Variants in DEPDC5 observed in about 807,000 individuals in gnomAD.
DEPDC5 encodes the protein DEP domain containing 5, GATOR1 subcomplex subunit, also known as GATOR1 complex protein DEPDC5.
In DEPDC5, 73 loss-of-function variants were observed where a neutral mutation model predicts 217.3. The ratio of observed to expected loss-of-function variants is 0.34; its 90% CI spans 0.28 to 0.41. The LOEUF (loss-of-function observed/expected upper bound fraction) is 0.41. DEPDC5 is among the 10% of genes least tolerant of loss of function. DEPDC5 has a pLI of 1.00. For synonymous variants in DEPDC5, 733 were observed against 756.7 expected, an observed-to-expected ratio of 0.97 and a Z score of 0.51; for missense variants, 1,675 against 2,070.1, an observed-to-expected ratio of 0.81 and a Z score of 3.70.
At chr22:31,815,811 G>T in intron 21 of DEPDC5, 3 of 1,229,026 alleles carry the variant, frequency 2.4e-6, no homozygotes, top group Non-Finnish European at 3.0e-6. Flanking sequence ...TTACAGGCAT[G>T]AACCAATGTT....
At chr22:31,792,235 TA>T (rs764903606) in intron 11 of DEPDC5, 133 bp downstream of exon 11, 23 of 672,226 alleles carry the variant, frequency 3.4e-5, no homozygotes, top group Non-Finnish European at 5.5e-5. Flanking sequence ...GGGGACAGTG[TA>T]AAAGGGAAAG....
rs144965769 is a variant in DEPDC5, at chr22:31,779,765, T to C, written c.483+1597T>C. Among the ~76,000 whole-genome samples, 4 of 152,296 alleles carry C rather than the reference T, an allele frequency of 2.6e-5. No homozygotes were observed. The East Asian group carries it at 5.8e-4, about 22-fold the overall frequency. The stretch of plus-strand genomic sequence containing the variant: ...GATATGTAATTCATGGTTGGTACAA[T>C]AGTGTCACTATTATTGGCGTCCTTG... On this transcript the variant is annotated intron_variant, in intron 8 of 42. Transcript: ENST00000651528.
intron 2 of DEPDC5, chr22:31,755,311 C>G (rs2075229050): frequency 2.8e-6 from 1 of 353,528 alleles, no homozygotes; most frequent in East Asian, 6.1e-5. Context: ...AATCGTTTAT[C>G]AGTTTTTACA....
At chr22:31,878,557 A>T (rs914796829) in intron 37 of DEPDC5, among the ~76,000 whole-genome samples, 1 of 151,666 alleles carries the variant, frequency 6.6e-6, no homozygotes, top group Non-Finnish European at 1.5e-5. Flanking sequence ...GAAAAAAAAA[A>T]AAAAAATTGG....
chr22:31,791,451 A>G (rs2085620543), intron 10 of DEPDC5, among the ~76,000 whole-genome samples: 1 of 151,594 alleles, frequency 6.6e-6, no homozygotes, highest in African/African-American at 2.4e-5. Flanking sequence ...AGCCTGGCCA[A>G]CATGGTGAAA....
Position 31,793,565 on chromosome 22 carries a change from G to GTTA in DEPDC5, c.767+766_767+768dup, listed in dbSNP as rs553293912. Among the ~76,000 whole-genome samples the GTTA allele has an allele frequency of 5.9e-5, 9 of 151,328 alleles. No homozygotes were observed. In the South Asian group the frequency reaches 8.4e-4, roughly 14 times the overall value. ...CCACAATATCATGATCATGTTTAAC[G>GTTA]TTATTATTATTATTATTATTTTTTG... On this transcript the variant is annotated intron_variant, in intron 12 of 42. Transcript: ENST00000651528.
At chr22:31,833,252 G>C (rs2090738810) in intron 24 of DEPDC5, among the ~76,000 whole-genome samples, 2 of 152,082 alleles carry the variant, frequency 1.3e-5, no homozygotes, top group African/African-American at 4.8e-5. Flanking sequence ...AGTACTGATA[G>C]GTGTGCTTTA....
chr22:31,783,386 C>A (rs2084659823), intron 8 of DEPDC5, among the ~76,000 whole-genome samples: 1 of 152,140 alleles, frequency 6.6e-6, no homozygotes, highest in African/African-American at 2.4e-5. Context: ...TTCTTGAAGT[C>A]AGTGAGACCA....
Position 31,788,093 on chromosome 22 carries a change from TTAAAA to T in DEPDC5, c.624+3222_624+3226del, listed in dbSNP as rs199943589. ...TGTACCCATAAAAATTAAAAAATAA[TTAAAA>T]TAATTAAAAAAACAAATGGGCAAAG... On this transcript the variant is annotated intron_variant, in intron 10 of 42. Transcript: ENST00000651528. Among the ~76,000 whole-genome samples, 1,083 of 151,574 alleles carry T rather than the reference TTAAAA, an allele frequency of 7.1e-3. 52 individuals carry two copies. Among genetic ancestry groups the T allele is most frequent in the Admixed American group, 0.061 (929 of 15,190 alleles).
At position 31,768,846 on chromosome 22, in the gene DEPDC5, G is replaced by C. The variant is rs201677987; in HGVS notation, c.396G>C (p.Val132=). 6.2e-7 allele frequency: 1 copy of C among 1,613,570 alleles called. No individual in the cohort carries two copies. The highest frequency in any genetic ancestry group is 1.3e-5 in the African/African-American group (1 of 74,946). Reference sequence around the variant, plus strand: ...CATGTGCCTATATCACCCAGAAGGTGGAGTTTGCTGGCATCAGGTAGATAT... The same window carrying C: ...CATGTGCCTATATCACCCAGAAGGTCGAGTTTGCTGGCATCAGGTAGATAT... ...VSTCAYITQK[V]EFAGIRAQAG... is the part of the protein sequence containing the mutation. The change falls in exon 7 of 43, where the codon GTG becomes GTC. Residue 132 remains valine (V), a synonymous_variant. Coordinates refer to ENST00000651528, the MANE Select transcript of DEPDC5 (RefSeq NM_001242896.3).
intron 2 of DEPDC5, among the ~76,000 whole-genome samples, chr22:31,757,914 C>A (rs1440387950): frequency 6.6e-6 from 1 of 152,126 alleles, no homozygotes; most frequent in Non-Finnish European, 1.5e-5. Context: ...CAGGCTCCCA[C>A]CACCACACCT....
intron 5 of DEPDC5, among the ~76,000 whole-genome samples, chr22:31,766,209 T>A (rs779834977): frequency 1.3e-5 from 2 of 152,218 alleles, no homozygotes; most frequent in African/African-American, 2.4e-5. Context: ...TTCTCATTTT[T>A]CTTCAAGAAG....
In DEPDC5 at chr22:31,897,519, T is replaced by G; in HGVS notation, c.4241T>G (p.Phe1414Cys). ...GWHRKATSCGFLLVPVLEGPF... is the reference protein window; with the variant it reads ...GWHRKATSCGCLLVPVLEGPF... ...CATCGGAAAGCCACCTCCTGTGGCT[T>G]CTTGTTAGTCCCAGTTTTGGAGGGG... Residue 1414 changes from phenylalanine to cysteine, a missense_variant, in exon 40 of 43, where the codon TTC (phenylalanine) becomes TGC (cysteine). Coordinates refer to ENST00000651528, the MANE Select transcript of DEPDC5 (RefSeq NM_001242896.3). 1.2e-6 allele frequency: 2 copies of G among 1,614,086 alleles called. No homozygotes were observed. The highest frequency in any genetic ancestry group is 1.7e-6 in the Non-Finnish European group (2 of 1,179,984).
At chr22:31,780,575 A>G (rs529125979) in intron 8 of DEPDC5, among the ~76,000 whole-genome samples, 2 of 152,124 alleles carry the variant, frequency 1.3e-5, no homozygotes, top group Non-Finnish European at 2.9e-5. Context: ...GTCTTCGCAC[A>G]TGCTGCCCTC....
At chr22:31,757,832 C>T (rs1052522398) in intron 2 of DEPDC5, among the ~76,000 whole-genome samples, 9 of 152,034 alleles carry the variant, frequency 5.9e-5, no homozygotes, top group East Asian at 1.9e-4. Flanking sequence ...GGTGTGATTT[C>T]GGCTCACTGT....
chr22:31,764,090 T>G (rs2082620551), intron 4 of DEPDC5, among the ~76,000 whole-genome samples: 1 of 151,950 alleles, frequency 6.6e-6, no homozygotes, highest in African/African-American at 2.4e-5. Context: ...CCACGACACC[T>G]GGCTAAATTT....
rs748662185 is a variant in DEPDC5, at chr22:31,874,331, G to A, written c.3622G>A (p.Ala1208Thr). The A allele has an allele frequency of 3.8e-5, 61 of 1,610,360 alleles. No individual in the cohort carries two copies. Among genetic ancestry groups the A allele is most frequent in the Non-Finnish European group, 4.2e-5 (49 of 1,178,404 alleles). The change falls in exon 36 of 43, where the codon GCG (alanine) becomes ACG (threonine). Residue 1208 changes from alanine (A) to threonine (T), a missense_variant. Ala to Thr is a moderately conservative substitution (Grantham distance 58, BLOSUM62 0). Transcript: ENST00000651528. ...CCTCTCACCGTACTGCTTCATCAGC[G>A]CGGAGGTGGTACACTGGTTGGTGAA... ...KGLSPYCFIS[A>T]EVVHWLVNHV...
intron 14 of DEPDC5, among the ~76,000 whole-genome samples, chr22:31,799,045 C>CT (rs552961998): frequency 0.025 from 3,484 of 138,612 alleles, 51 homozygotes; most frequent in African/African-American, 0.04. Flanking sequence ...AGCAAACTTA[C>CT]TTTTTTTTTT....
rs1343293129 is a variant in DEPDC5, at chr22:31,810,624, G to C, written c.1428G>C (p.Gln476His). The C allele has an allele frequency of 1.2e-6, 2 of 1,614,206 alleles. No individual in the cohort carries two copies. The highest frequency in any genetic ancestry group is 4.5e-5 in the East Asian group (2 of 44,886). ...VFRLPGPSRA[Q>H]CLTTCRSVRE... ...GGCTGCCCGGCCCATCCCGGGCCCA[G>C]TGCCTCACCACCTGCAGGTTTTCTG... Residue 476 changes from glutamine (Q) to histidine (H), a missense_variant, in exon 20 of 43, where the codon CAG becomes CAC. Physicochemically the swap from Gln to His is conservative, Grantham distance 24. This residue lies in a region of DEPDC5 where 628 missense variants were observed against 762.1 expected (regional missense o/e 0.82). Coordinates refer to ENST00000651528, the MANE Select transcript of DEPDC5 (RefSeq NM_001242896.3).
Sources: allele counts gnomAD v4.1 joint callset (sites outside exome capture counted in the v4.1 genomes callset), GRCh38; gene constraint gnomAD v4.1.1; regional missense constraint gnomAD v4.1.1; transcripts MANE v1.5; gene names NCBI Gene and HGNC (gene_info 2026-07-23, HGNC 2026-07-21).